Variants in ZNF83 observed in about 807,000 individuals in gnomAD.
ZNF83 encodes the protein zinc finger protein 816B.
For synonymous variants in ZNF83, 209 were observed against 213.0 expected, an observed-to-expected ratio of 0.98 and a Z score of 0.17; for missense variants, 552 against 629.9, an observed-to-expected ratio of 0.88 and a Z score of 1.32.
At chr19:52,657,787 C>T (rs1379285164) in intron 2 of ZNF83, among the ~76,000 whole-genome samples, 2 of 150,748 alleles carry the variant, frequency 1.3e-5, no homozygotes, top group Non-Finnish European at 1.5e-5. Flanking sequence ...GTGGAGGTTG[C>T]AGTGAGCCGA....
chr19:52,661,360 C>T (rs1235117261), intron 1 of ZNF83, among the ~76,000 whole-genome samples: 1 of 152,130 alleles, frequency 6.6e-6, no homozygotes, highest in South Asian at 2.1e-4. Context: ...AATGTCCACA[C>T]ACACGCTGAA....
At chr19:52,613,217 T>A in exon 3 of ZNF83, 1 of 1,614,092 alleles carries the variant, frequency 6.2e-7, no homozygotes, top group Non-Finnish European at 8.5e-7. Flanking sequence ...CCAGTGTGAA[T>A]TTTCCGATGA....
exon 3 of ZNF83, chr19:52,614,730 G>T: frequency 7.6e-7 from 1 of 1,318,868 alleles, no homozygotes; most frequent in African/African-American, 1.5e-5. Flanking sequence ...TTACTGTCTG[G>T]AATATTTCTC....
chr19:52,657,115 C>A (rs572033623), intron 2 of ZNF83, among the ~76,000 whole-genome samples: 1 of 148,514 alleles, frequency 6.7e-6, no homozygotes, highest in East Asian at 2.1e-4. Context: ...GACCCTATCA[C>A]CCCCACCCTC....
At chr19:52,656,274 C>T (rs11672421) in intron 2 of ZNF83, among the ~76,000 whole-genome samples, 40,406 of 151,856 alleles carry the variant, frequency 0.27, 5,643 homozygotes, top group Middle Eastern at 0.35. Flanking sequence ...ATAATCCTGT[C>T]ACTTTGGGAT....
At position 52,665,648 on chromosome 19, in the gene ZNF83, T is replaced by C. The variant is rs537054243; in HGVS notation, c.-282-4805A>G. On this transcript the variant is annotated intron_variant, in intron 1 of 5. Transcript: ENST00000594682. ...ACCCTGAGTAATTCTCCAACCTGACTCATTCCATAATCATTTTTCCCACCA... is the reference window on the plus strand; with the variant it reads ...ACCCTGAGTAATTCTCCAACCTGACCCATTCCATAATCATTTTTCCCACCA... Among the ~76,000 whole-genome samples, 22 of 152,268 alleles carry C rather than the reference T, an allele frequency of 1.4e-4. No individual in the cohort carries two copies. In the East Asian group the frequency reaches 3.1e-3, roughly 21 times the overall value.
chr19:52,687,439 G>T (rs1307105), intron 1 of ZNF83, among the ~76,000 whole-genome samples: 16,830 of 18,600 alleles, frequency 0.9, 8,178 homozygotes, highest in Middle Eastern at 1. Flanking sequence ...AATTTATATA[G>T]CTATATAAAT....
intron 1 of ZNF83, among the ~76,000 whole-genome samples, chr19:52,681,875 TCTCA>T (rs1413238823): frequency 3.3e-5 from 5 of 152,090 alleles, no homozygotes; most frequent in Non-Finnish European, 5.9e-5. Flanking sequence ...TAAGACAGAG[TCTCA>T]CTCTGTCAAC....
At chr19:52,655,533 C>T in intron 3 of ZNF83, 1 of 1,462,692 alleles carries the variant, frequency 6.8e-7, no homozygotes. Context: ...GGGCAGATTC[C>T]TCACATCAGG....
intron 1 of ZNF83, among the ~76,000 whole-genome samples, chr19:52,683,228 CTGTGTGTG>C (rs67463602): frequency 0.023 from 2,923 of 127,954 alleles, 36 homozygotes; most frequent in Non-Finnish European, 0.031. Context: ...CCCTGTGACT[CTGTGTGTG>C]TGTGTGTGTG....
chr19:52,640,914 A>T (rs2061294702), upstream of ZNF83, among the ~76,000 whole-genome samples: 1 of 152,170 alleles, frequency 6.6e-6, no homozygotes, highest in Non-Finnish European at 1.5e-5. Context: ...TATTAGGGGT[A>T]ATATCACGGC....
chr19:52,665,111 G>A (rs559954930), intron 1 of ZNF83, among the ~76,000 whole-genome samples: 1 of 152,304 alleles, frequency 6.6e-6, no homozygotes, highest in African/African-American at 2.4e-5. Context: ...GAACCAATTA[G>A]AAATCCTCTC....
chr19:52,634,086 G>A (rs10412842), intron 2 of ZNF83, among the ~76,000 whole-genome samples: 43,418 of 151,750 alleles, frequency 0.29, 6,473 homozygotes, highest in Middle Eastern at 0.34. Context: ...CCTGGCCAAC[G>A]TGATGAAACC....
chr19:52,618,528 C>T (rs965472769), intron 2 of ZNF83: 5 of 192,530 alleles, frequency 2.6e-5, no homozygotes, highest in Admixed American at 5.5e-5. Context: ...TCCCAGAGTG[C>T]TGGGATTACA....
chr19:52,665,929 G>A (rs563237021), intron 1 of ZNF83, among the ~76,000 whole-genome samples: 1 of 152,070 alleles, frequency 6.6e-6, no homozygotes, highest in African/African-American at 2.4e-5. Flanking sequence ...GGGAGGCTGA[G>A]GTGGGCAAAT....
rs377569575 is a variant in ZNF83 at position 52,683,394 on chromosome 19, T to C, written c.-283+7049A>G. 2.9e-3 allele frequency among the ~76,000 whole-genome samples: 446 copies of C among 151,456 alleles called. 4 individuals are homozygous for C. Among genetic ancestry groups the C allele is most frequent in the East Asian group, 8.3e-3 (42 of 5,072 alleles). The stretch of plus-strand genomic sequence containing the variant: ...TTCACTGTGCTGTTTGCACTCTGAT[T>C]CTTGGAAGAATCTTTCCTGAAGTCA... On this transcript the variant is annotated intron_variant, in intron 1 of 5. Coordinates refer to the ZNF83 transcript ENST00000594682.
At chr19:52,674,728 C>A (rs1164587659) in intron 1 of ZNF83, among the ~76,000 whole-genome samples, 2 of 152,112 alleles carry the variant, frequency 1.3e-5, no homozygotes, top group Non-Finnish European at 2.9e-5. Flanking sequence ...GAAGTTTCTA[C>A]CTTGAAATCT....
At chr19:52,689,573 G>A (rs140783494) in intron 1 of ZNF83, among the ~76,000 whole-genome samples, 1 of 148,764 alleles carries the variant, frequency 6.7e-6, no homozygotes, top group East Asian at 2.0e-4. Context: ...TGTCCTTCAT[G>A]TCTCTGTACA....
At chr19:52,620,270 C>CTGTGTGTG (rs377267661) in intron 2 of ZNF83, among the ~76,000 whole-genome samples, 32 of 144,432 alleles carry the variant, frequency 2.2e-4, no homozygotes, top group Non-Finnish European at 3.2e-4. Flanking sequence ...GTGTATATCT[C>CTGTGTGTG]TGTGTGTGTG....
Sources: gnomAD v4.1 joint callset for allele counts (sites outside exome capture counted in the v4.1 genomes callset) on GRCh38, gnomAD v4.1.1 for gene constraint, MANE v1.5 for transcripts, NCBI Gene and HGNC (gene_info 2026-07-23, HGNC 2026-07-21) for gene names.